The following TRPM7 variants were observed in gnomAD, a reference collection of about 807,000 sequenced individuals.
The protein encoded by TRPM7 is transient receptor potential cation channel subfamily M member 7.
TRPM7 carries 134 observed loss-of-function variants against 229.7 expected under a neutral mutation model. The ratio of observed to expected loss-of-function variants is 0.58; its 90% CI spans 0.51 to 0.67. The LOEUF (loss-of-function observed/expected upper bound fraction) is 0.67, where lower values mean the gene tolerates loss of function less well. TRPM7 is among the 30% of genes least tolerant of loss of function. TRPM7 has a pLI of 0.00. For missense variants in TRPM7, 1,901 were observed against 2,210.0 expected (o/e 0.86, Z 2.80); for synonymous variants, 699 against 715.2 (o/e 0.98, Z 0.36).
chr15:50,621,960 G>A (rs1224147013), intron 12 of TRPM7, among the ~76,000 whole-genome samples: 2 of 152,014 alleles, frequency 1.3e-5, no homozygotes, highest in Non-Finnish European at 2.9e-5. Flanking sequence ...AACCTGGGAG[G>A]TGGAGGTCGC....
chr15:50,643,692 T>C, intron 4 of TRPM7, 139 bp from the exon 5 acceptor site: 2 of 635,296 alleles, frequency 3.1e-6, no homozygotes, highest in Non-Finnish European at 5.4e-6. Flanking sequence ...AATATATTTA[T>C]ACTCCAAGGA....
rs1440182512 is a variant in TRPM7 at position 50,628,277 on chromosome 15, G to A, written c.1205-28C>T. On this transcript the variant is annotated intron_variant, in intron 10 of 38. Transcript: ENST00000646667. ...AATCGAATAAAGAAAATAGTTGACA[G>A]GTTCAATTAATTTATCTCCATTAAA... The A allele has an allele frequency of 2.0e-6, 3 of 1,480,288 alleles. 1 individual carries two copies. Among genetic ancestry groups the A allele is most frequent in the Middle Eastern group, 4.2e-4 (2 of 4,706 alleles). The allele number at this position is 1,480,288 out of a possible 1,614,324, so 91.7% of individuals were successfully genotyped here.
At chr15:50,623,797 G>GA (rs11455584) in intron 12 of TRPM7, among the ~76,000 whole-genome samples, 15,831 of 142,656 alleles carry the variant, frequency 0.11, 881 homozygotes, top group African/African-American at 0.14. Flanking sequence ...TGTAAAAAAA[G>GA]AAAAAAAAAA....
intron 2 of TRPM7, among the ~76,000 whole-genome samples, chr15:50,660,784 T>C (rs2061702015): frequency 6.6e-6 from 1 of 152,196 alleles, no homozygotes; most frequent in Non-Finnish European, 1.5e-5. Flanking sequence ...CTTTAATACT[T>C]TTCAAAAGAT....
chr15:50,631,023 G>A (rs1025349538), intron 10 of TRPM7, among the ~76,000 whole-genome samples: 2 of 151,924 alleles, frequency 1.3e-5, no homozygotes, highest in African/African-American at 4.8e-5. Flanking sequence ...TGTAGAGATG[G>A]GTCTATCTTG....
At chr15:50,678,796 A>G (rs767475068) in intron 1 of TRPM7, among the ~76,000 whole-genome samples, 2 of 152,130 alleles carry the variant, frequency 1.3e-5, no homozygotes, top group Non-Finnish European at 2.9e-5. Context: ...TTGGGAGGCC[A>G]AGGCAAGAGG....
chr15:50,571,622 CAACAA>C (rs1173068926), intron 36 of TRPM7, among the ~76,000 whole-genome samples: 3 of 150,660 alleles, frequency 2.0e-5, no homozygotes, highest in Non-Finnish European at 4.4e-5. Context: ...AAAACCAACA[CAACAA>C]AACAAAATAA....
intron 2 of TRPM7, 26 bp downstream of exon 2, chr15:50,662,941 C>G (rs1198019511): frequency 8.4e-6 from 13 of 1,545,754 alleles, no homozygotes; most frequent in Non-Finnish European, 1.2e-5. Flanking sequence ...TCTAGAAGAC[C>G]CCAGAAGTAA....
At chr15:50,570,825 A>G (rs2053847039) in intron 36 of TRPM7, among the ~76,000 whole-genome samples, 1 of 151,778 alleles carries the variant, frequency 6.6e-6, no homozygotes, top group South Asian at 2.1e-4. Context: ...ACTGCACTCT[A>G]GCCTGGGCAA....
At chr15:50,644,930 C>T (rs2061219083) in intron 4 of TRPM7, among the ~76,000 whole-genome samples, 1 of 151,652 alleles carries the variant, frequency 6.6e-6, no homozygotes, top group African/African-American at 2.4e-5. Context: ...TAGACACGGT[C>T]AGGCTCTGTT....
At chr15:50,572,177 C>T (rs2053922740) in intron 36 of TRPM7, among the ~76,000 whole-genome samples, 1 of 152,162 alleles carries the variant, frequency 6.6e-6, no homozygotes, top group South Asian at 2.1e-4. Context: ...CCCAGCTATG[C>T]AGGAGGCTGA....
At position 50,574,679 on chromosome 15, in the gene TRPM7, G is replaced by A. The variant is rs369041276; in HGVS notation, c.5060C>T (p.Ala1687Val). 1 of 1,613,672 alleles carries A rather than the reference G, an allele frequency of 6.2e-7. No homozygotes were observed. Among genetic ancestry groups the A allele is most frequent in the South Asian group, 1.1e-5 (1 of 91,016 alleles). The change falls in exon 35 of 39, where the codon GCC becomes GTC. Residue 1687 changes from alanine (A) to valine (V), a missense_variant. By Grantham distance (64) the Ala-to-Val change is moderately conservative. Around this residue, in one of 8 missense-constraint regions of TRPM7, gnomAD observed 257 missense variants for 352.0 expected, o/e 0.73. Transcript: ENST00000646667. Reference protein sequence around the residue: ...QQRAAQKLTFAFNQMKPKSIP... With the variant: ...QQRAAQKLTFVFNQMKPKSIP... Reference sequence around the variant, plus strand: ...GGATTTGGGTTTCATTTGATTAAAGGCAAACGTAAGCTTTTGTGCTGCTCT... The same window carrying A: ...GGATTTGGGTTTCATTTGATTAAAGACAAACGTAAGCTTTTGTGCTGCTCT...
chr15:50,569,826 G>T, intron 38 of TRPM7, 61 bp downstream of exon 38: 1 of 1,069,852 alleles, frequency 9.3e-7, no homozygotes, highest in Non-Finnish European at 1.4e-6. Flanking sequence ...GCCTTATGAG[G>T]TATTGTAGTA....
chr15:50,562,680 G>A (rs1358618741), intron 38 of TRPM7, among the ~76,000 whole-genome samples: 1 of 151,776 alleles, frequency 6.6e-6, no homozygotes, highest in African/African-American at 2.4e-5. Context: ...GCCGAGGTGG[G>A]AGGACTGTTT....
intron 26 of TRPM7, 133 bp downstream of exon 26, chr15:50,591,778 G>A: frequency 1.5e-6 from 1 of 669,986 alleles, no homozygotes; most frequent in Non-Finnish European, 2.2e-6. Flanking sequence ...AATCACAGGT[G>A]TCTGATTCTT....
intron 15 of TRPM7, 150 bp downstream of exon 15, chr15:50,613,557 C>CTGTTA: frequency 3.0e-6 from 1 of 328,970 alleles, no homozygotes; most frequent in Admixed American, 4.9e-5. Context: ...ATTAATATCT[C>CTGTTA]TGTGTGTGAG....
chr15:50,683,877 C>CT lies in TRPM7; in HGVS notation c.3+2653dup, dbSNP rs370536416. ...GTATGAAACTAGAATCTGATCAAGT[C>CT]TTTTTTTTTTGAGAAAGACTCTCAC... On this transcript the variant is annotated intron_variant, in intron 1 of 38. Transcript: ENST00000646667. 3.2e-3 allele frequency among the ~76,000 whole-genome samples: 480 copies of CT among 149,034 alleles called. 1 individual carries two copies. The highest frequency in any genetic ancestry group is 4.3e-3 in the East Asian group (22 of 5,096).
chr15:50,659,297 C>T (rs1056153826), intron 2 of TRPM7, among the ~76,000 whole-genome samples: 1 of 152,042 alleles, frequency 6.6e-6, no homozygotes, highest in African/African-American at 2.4e-5. Flanking sequence ...TAATCATCTG[C>T]TTGGACATAC....
intron 1 of TRPM7, among the ~76,000 whole-genome samples, chr15:50,684,317 T>C (rs547954350): frequency 2.4e-4 from 36 of 152,138 alleles, no homozygotes; most frequent in Non-Finnish European, 3.2e-4. Flanking sequence ...TGATCAAGTC[T>C]TTAGATTAAC....
Sources: allele counts gnomAD v4.1 joint callset (sites outside exome capture counted in the v4.1 genomes callset), GRCh38; gene constraint gnomAD v4.1.1; regional missense constraint gnomAD v4.1.1; transcripts MANE v1.5; gene names NCBI Gene and HGNC (gene_info 2026-07-23, HGNC 2026-07-21).